The following AUTS2 variants were observed in gnomAD, a reference collection of about 807,000 sequenced individuals.
AUTS2 encodes activator of transcription and developmental regulator AUTS2, also known as autism susceptibility gene 2 protein.
A neutral mutation model predicts 112.4 loss-of-function variants in AUTS2; 17 were observed. That is an observed-to-expected ratio of 0.15 (90% CI 0.10 to 0.23). AUTS2 has a LOEUF of 0.23. Among genes scored for constraint, AUTS2 ranks in the 10% least tolerant of loss-of-function variants. The pLI, the probability that AUTS2 is intolerant of heterozygous loss-of-function variation, is 1.00. For missense variants in AUTS2, 1,510 were observed against 1,701.6 expected (o/e 0.89, Z 1.98); for synonymous variants, 751 against 702.7 (o/e 1.07, Z -1.09).
chr7:70,486,901 C>CA lies in AUTS2; in HGVS notation c.690+51120_690+51121insA, dbSNP rs899966451. Among the ~76,000 whole-genome samples, 17 of 113,880 alleles carry CA rather than the reference C, an allele frequency of 1.5e-4. 1 individual carries two copies. Among genetic ancestry groups the CA allele is most frequent in the South Asian group, 4.0e-4 (1 of 2,508 alleles). The allele number at this position is 113,880 out of a possible 152,430, so 74.7% of individuals were successfully genotyped here. A position where few individuals can be genotyped will look rare whatever the true frequency, so the allele number is the denominator to read the frequency against. On this transcript the variant is annotated intron_variant, in intron 5 of 18. Transcript: ENST00000342771. ...TTTGTTTTGTTGTTTTTGTATTCCC[C>CA]CCCCCCCAAAAAAAAAGAAGAAAAG...
chr7:69,808,502 C>T (rs866088589), intron 1 of AUTS2, among the ~76,000 whole-genome samples: 1 of 152,040 alleles, frequency 6.6e-6, no homozygotes, highest in African/African-American at 2.4e-5. Flanking sequence ...TGGATGAGGT[C>T]ACTTGGAAGT....
intron 1 of AUTS2, among the ~76,000 whole-genome samples, chr7:69,690,885 A>G (rs114545180): frequency 0.034 from 5,204 of 152,268 alleles, 127 homozygotes; most frequent in Middle Eastern, 0.082. Context: ...AGGGTGAGCA[A>G]GGCGGAGAGG....
intron 1 of AUTS2, among the ~76,000 whole-genome samples, chr7:69,806,633 T>C (rs974704789): frequency 2.6e-5 from 4 of 152,178 alleles, no homozygotes; most frequent in African/African-American, 9.7e-5. Flanking sequence ...CACGCCTGGC[T>C]AATTTTTTTG....
intron 1 of AUTS2, among the ~76,000 whole-genome samples, chr7:69,759,928 G>A (rs1788107180): frequency 6.6e-6 from 1 of 151,608 alleles, no homozygotes. Flanking sequence ...TACAAATAGA[G>A]GCTTTAATTT....
In AUTS2 at chr7:70,790,196, C is replaced by T; in HGVS notation, c.2980C>T (p.Pro994Ser). 6.2e-7 allele frequency: 1 copy of T among 1,612,604 alleles called. No individual in the cohort carries two copies. Among genetic ancestry groups the T allele is most frequent in the Non-Finnish European group, 8.5e-7 (1 of 1,179,760 alleles). Residue 994 changes from proline (P) to serine (S), a missense_variant, in exon 19 of 19, where the codon CCA (proline) becomes TCA (serine). By Grantham distance (74) the Pro-to-Ser change is moderately conservative. This residue lies in a region of AUTS2 where 788 missense variants were observed against 797.6 expected (regional missense o/e 0.99). Coordinates refer to ENST00000342771, the MANE Select transcript of AUTS2 (RefSeq NM_015570.4). The surrounding 1 kb of genome is among the most constrained non-coding windows in gnomAD (Gnocchi z 7.6). ...EERKEDHDLPPEAPQTHRASE... is the reference protein window; with the variant it reads ...EERKEDHDLPSEAPQTHRASE... ...GCGGAAGGAAGACCATGACCTGCCT[C>T]CAGAGGCCCCGCAGACCCACCGGGC...
chr7:70,458,176 G>T (rs78484812), intron 5 of AUTS2, among the ~76,000 whole-genome samples: 2 of 152,324 alleles, frequency 1.3e-5, no homozygotes, highest in East Asian at 3.9e-4. Context: ...TGCCGGCTCA[G>T]CCTGGAGTGG....
intron 1 of AUTS2, among the ~76,000 whole-genome samples, chr7:69,646,623 A>AT (rs1441133994): frequency 6.6e-6 from 1 of 152,236 alleles, no homozygotes; most frequent in African/African-American, 2.4e-5. Flanking sequence ...ACAGAGGCTA[A>AT]TAACAGACCA....
At chr7:69,654,248 G>A (rs566186068) in intron 1 of AUTS2, among the ~76,000 whole-genome samples, 16 of 152,182 alleles carry the variant, frequency 1.1e-4, no homozygotes, top group Admixed American at 2.0e-4. Flanking sequence ...TCCTACACCT[G>A]CAGCCCCCAG....
intron 4 of AUTS2, among the ~76,000 whole-genome samples, chr7:70,160,338 G>T (rs1808007439): frequency 6.6e-6 from 1 of 152,164 alleles, no homozygotes; most frequent in African/African-American, 2.4e-5. Flanking sequence ...TTTAGTGAAT[G>T]ATGCTAGATC....
intron 4 of AUTS2, among the ~76,000 whole-genome samples, chr7:70,394,951 C>T (rs1159695594): frequency 6.6e-6 from 1 of 152,158 alleles, no homozygotes. Context: ...TTAAAAGCCA[C>T]TAGTAAGTGA....
In AUTS2 at chr7:70,435,787, A is replaced by AC. The variant is rs561727718; in HGVS notation, c.690+13dup. 5,652 of 1,612,642 alleles carry AC rather than the reference A, an allele frequency of 3.5e-3. 15 individuals carry two copies. The highest frequency in any genetic ancestry group is 4.1e-3 in the Non-Finnish European group (4,876 of 1,179,480). On this transcript the variant is annotated splice_region_variant and intron_variant, in intron 5 of 18. Transcript: ENST00000342771. ...ACAGTGACCAGGAAGAGAAGGTAAGACCCCCCCTCCCCCATTGTGGGCACA... is the reference window on the plus strand; with the variant it reads ...ACAGTGACCAGGAAGAGAAGGTAAGACCCCCCCCTCCCCCATTGTGGGCACA...
At chr7:69,829,888 A>G (rs1451600413) in intron 1 of AUTS2, among the ~76,000 whole-genome samples, 2 of 152,160 alleles carry the variant, frequency 1.3e-5, no homozygotes, top group Non-Finnish European at 2.9e-5. Flanking sequence ...ATTACTGGGT[A>G]TATACCTAAA....
chr7:70,657,716 A>G (rs558093893), intron 5 of AUTS2, among the ~76,000 whole-genome samples: 1 of 152,286 alleles, frequency 6.6e-6, no homozygotes, highest in South Asian at 2.1e-4. Flanking sequence ...AGCTGTCATC[A>G]GGGCTTTTTT....
intron 1 of AUTS2, among the ~76,000 whole-genome samples, chr7:69,655,941 A>T (rs1022265092): frequency 6.6e-6 from 1 of 152,206 alleles, no homozygotes; most frequent in East Asian, 1.9e-4. Flanking sequence ...GAGAAGAGGC[A>T]TGGGGACAGA....
At chr7:70,519,345 A>C (rs919640040) in intron 5 of AUTS2, among the ~76,000 whole-genome samples, 4 of 152,346 alleles carry the variant, frequency 2.6e-5, no homozygotes, top group South Asian at 2.1e-4. Context: ...TGCCCTTGAA[A>C]GGGAAATCTC....
At chr7:69,619,587 CTG>C (rs1793559116) in intron 1 of AUTS2, among the ~76,000 whole-genome samples, 1 of 152,208 alleles carries the variant, frequency 6.6e-6, no homozygotes, top group Non-Finnish European at 1.5e-5. Flanking sequence ...ACGTCCGTGA[CTG>C]TACCCTCTTT....
intron 5 of AUTS2, among the ~76,000 whole-genome samples, chr7:70,510,157 C>T (rs1799123649): frequency 6.6e-6 from 1 of 152,208 alleles, no homozygotes; most frequent in African/African-American, 2.4e-5. Context: ...TTGCTTCCTC[C>T]TGTGAGCCAT....
intron 6 of AUTS2, among the ~76,000 whole-genome samples, chr7:70,721,158 T>G (rs915735055): frequency 1.3e-5 from 2 of 151,972 alleles, no homozygotes; most frequent in African/African-American, 2.4e-5. Flanking sequence ...GCTCCTGATA[T>G]ACGTTCTCTC....
At chr7:70,327,125 C>G (rs1162333121) in intron 4 of AUTS2, among the ~76,000 whole-genome samples, 2 of 151,952 alleles carry the variant, frequency 1.3e-5, no homozygotes, top group Admixed American at 6.6e-5. Flanking sequence ...GCCATGTTTG[C>G]CAGGCTGGTC....
Sources: gnomAD v4.1 joint callset for allele counts (sites outside exome capture counted in the v4.1 genomes callset) on GRCh38, gnomAD v4.1.1 for gene constraint, gnomAD v4.1.1 regional missense constraint, Gnocchi (gnomAD v3.1) non-coding constraint, MANE v1.5 for transcripts, NCBI Gene and HGNC (gene_info 2026-07-23, HGNC 2026-07-21) for gene names.